THSD7B: variants seen among roughly 807,000 people sequenced by gnomAD.
THSD7B encodes the protein thrombospondin type 1 domain containing 7B.
Under a neutral mutation model 213.6 loss-of-function variants are expected in THSD7B, and 138 were observed. The ratio of observed to expected loss-of-function variants is 0.65; its 90% CI spans 0.56 to 0.74. THSD7B has a LOEUF of 0.74. Among genes scored for constraint, THSD7B ranks in the 30% least tolerant of loss-of-function variants. The pLI, the probability that THSD7B is intolerant of heterozygous loss-of-function variation, is 0.00. For missense variants in THSD7B, 1,931 were observed against 1,991.5 expected, an observed-to-expected ratio of 0.97 and a Z score of 0.58; for synonymous variants, 742 against 687.0, an observed-to-expected ratio of 1.08 and a Z score of -1.25.
chr2:137,309,029 T>A (rs546190067), intron 12 of THSD7B, among the ~76,000 whole-genome samples: 14 of 152,124 alleles, frequency 9.2e-5, no homozygotes, highest in African/African-American at 1.7e-4. Flanking sequence ...AATTTGTGAG[T>A]CAAAGAGCAG....
At chr2:137,228,029 G>A (rs746428083) in intron 7 of THSD7B, among the ~76,000 whole-genome samples, 8 of 151,998 alleles carry the variant, frequency 5.3e-5, no homozygotes, top group Non-Finnish European at 7.4e-5. Context: ...AATAATTGAC[G>A]TTCAAAAATG....
intron 7 of THSD7B, among the ~76,000 whole-genome samples, chr2:137,172,009 A>G (rs1015813762): frequency 1.3e-5 from 2 of 152,208 alleles, no homozygotes; most frequent in African/African-American, 4.8e-5. Context: ...GAATATTAAC[A>G]TATAATTTTT....
chr2:137,344,108 C>T (rs1231820349), intron 12 of THSD7B, among the ~76,000 whole-genome samples: 4 of 151,668 alleles, frequency 2.6e-5, no homozygotes, highest in African/African-American at 9.7e-5. Context: ...GTCAGCTGCA[C>T]ATGAGAGGGA....
chr2:137,134,635 G>GGGAAAC (rs1688800007), intron 5 of THSD7B, among the ~76,000 whole-genome samples: 1 of 152,150 alleles, frequency 6.6e-6, no homozygotes, highest in Non-Finnish European at 1.5e-5. Context: ...GTATACCAAA[G>GGGAAAC]GGAAACGGCA....
chr2:137,396,032 T>C (rs1411982399), intron 12 of THSD7B, among the ~76,000 whole-genome samples: 2 of 152,116 alleles, frequency 1.3e-5, no homozygotes, highest in African/African-American at 2.4e-5. Context: ...TTTTTTATTG[T>C]GTCTATTTGA....
At chr2:136,929,350 CT>C (rs1684592439) in intron 2 of THSD7B, among the ~76,000 whole-genome samples, 1 of 152,174 alleles carries the variant, frequency 6.6e-6, no homozygotes, top group Admixed American at 6.5e-5. Flanking sequence ...CCTGTCCCCA[CT>C]TGCTATGACT....
At chr2:137,164,672 CAT>C (rs1247312064) in intron 6 of THSD7B, among the ~76,000 whole-genome samples, 1 of 152,154 alleles carries the variant, frequency 6.6e-6, no homozygotes. Context: ...AAATGGGGCA[CAT>C]ATACACCATA....
intron 12 of THSD7B, among the ~76,000 whole-genome samples, chr2:137,311,629 G>A (rs912028429): frequency 1.9e-4 from 29 of 152,044 alleles, no homozygotes; most frequent in Admixed American, 6.6e-5. Context: ...TCACTATGAT[G>A]TTGGCTGTGG....
intron 2 of THSD7B, among the ~76,000 whole-genome samples, chr2:136,984,825 A>G (rs897552395): frequency 6.6e-6 from 1 of 152,190 alleles, no homozygotes; most frequent in African/African-American, 2.4e-5. Flanking sequence ...TGCTGATAGA[A>G]AAATGGACAG....
intron 7 of THSD7B, among the ~76,000 whole-genome samples, chr2:137,227,737 T>C (rs1276499301): frequency 6.6e-6 from 1 of 152,140 alleles, no homozygotes; most frequent in East Asian, 1.9e-4. Context: ...AATTATAAGT[T>C]TTTAAATATT....
intron 15 of THSD7B, among the ~76,000 whole-genome samples, chr2:137,461,459 A>G (rs974367434): frequency 3.3e-5 from 5 of 152,100 alleles, no homozygotes; most frequent in African/African-American, 1.2e-4. Flanking sequence ...ACTGCTGCCT[A>G]GTCCTGAGTC....
intron 3 of THSD7B, among the ~76,000 whole-genome samples, chr2:137,088,594 A>T (rs1687885923): frequency 7.5e-6 from 1 of 132,598 alleles, no homozygotes; most frequent in Non-Finnish European, 1.6e-5. Flanking sequence ...CCAAGAGCCC[A>T]AAAGCAAATG....
intron 8 of THSD7B, among the ~76,000 whole-genome samples, chr2:137,232,279 T>G (rs1681658461): frequency 6.6e-6 from 1 of 152,208 alleles, no homozygotes; most frequent in African/African-American, 2.4e-5. Flanking sequence ...GATGCATATA[T>G]GTCTGGTCTT....
intron 3 of THSD7B, among the ~76,000 whole-genome samples, chr2:137,066,766 A>G (rs761957920): frequency 9.2e-5 from 14 of 152,042 alleles, no homozygotes; most frequent in Non-Finnish European, 1.5e-4. Context: ...CTTAGCCATT[A>G]TTACTTTAAA....
At chr2:137,479,357 T>C (rs1183536563) in intron 15 of THSD7B, 5 of 217,318 alleles carry the variant, frequency 2.3e-5, no homozygotes, top group African/African-American at 7.0e-5. Flanking sequence ...GGCTCCCAGA[T>C]AGCATGCTTG....
chr2:137,225,117 T>G (rs1681466615), intron 7 of THSD7B, among the ~76,000 whole-genome samples: 1 of 152,228 alleles, frequency 6.6e-6, no homozygotes, highest in African/African-American at 2.4e-5. Context: ...TTATATTTTT[T>G]GCCTGTGTTT....
chr2:136,791,445 T>A (rs145652730), intron 1 of THSD7B, among the ~76,000 whole-genome samples: 6 of 152,036 alleles, frequency 3.9e-5, no homozygotes, highest in African/African-American at 1.4e-4. Context: ...TATGAAGTGG[T>A]GCAGCCATCA....
At chr2:136,983,371 G>GTCACACACACACACACACACA (rs1398395384) in intron 2 of THSD7B, among the ~76,000 whole-genome samples, 1 of 141,114 alleles carries the variant, frequency 7.1e-6, no homozygotes, top group Non-Finnish European at 1.5e-5. Context: ...ACACACACAC[G>GTCACACACACACACACACACA]CACACACACT....
intron 14 of THSD7B, among the ~76,000 whole-genome samples, chr2:137,428,640 C>T (rs1687109910): frequency 6.6e-6 from 1 of 152,130 alleles, no homozygotes; most frequent in Admixed American, 6.6e-5. Flanking sequence ...CCAGCTACAA[C>T]ATAGATGAAT....
Sources: allele counts gnomAD v4.1 joint callset (sites outside exome capture counted in the v4.1 genomes callset), GRCh38; gene constraint gnomAD v4.1.1; transcripts MANE v1.5; gene names NCBI Gene and HGNC (gene_info 2026-07-23, HGNC 2026-07-21).